LTBP1: variants seen among roughly 807,000 people sequenced by gnomAD.
LTBP1 encodes latent-transforming growth factor beta-binding protein 1.
In LTBP1, 129 loss-of-function variants were observed where a neutral mutation model predicts 207.6. The ratio of observed to expected loss-of-function variants is 0.62; its 90% CI spans 0.54 to 0.72. LTBP1 has a LOEUF of 0.72. LTBP1 is among the 30% of genes least tolerant of loss of function. The pLI, the probability that LTBP1 is intolerant of heterozygous loss-of-function variation, is 0.00. For synonymous variants in LTBP1, 963 were observed against 833.7 expected, an observed-to-expected ratio of 1.16 and a Z score of -2.67; for missense variants, 2,281 against 2,217.2, an observed-to-expected ratio of 1.03 and a Z score of -0.58.
At chr2:33,016,503 A>G (rs931866295) in intron 2 of LTBP1, among the ~76,000 whole-genome samples, 3 of 152,174 alleles carry the variant, frequency 2.0e-5, no homozygotes, top group Admixed American at 2.0e-4. Context: ...CCCCCGCTAG[A>G]GATTCTGATT....
At chr2:33,131,682 T>A (rs57553745) in intron 4 of LTBP1, among the ~76,000 whole-genome samples, 3,550 of 152,336 alleles carry the variant, frequency 0.023, 131 homozygotes, top group African/African-American at 0.081. Flanking sequence ...TTAGATTACT[T>A]TATAGCAGAA....
intron 5 of LTBP1, among the ~76,000 whole-genome samples, chr2:33,144,167 G>A (rs2082841030): frequency 6.6e-6 from 1 of 152,014 alleles, no homozygotes; most frequent in Admixed American, 6.6e-5. Flanking sequence ...GTGCACCCCA[G>A]AGACAGTGGT....
intron 5 of LTBP1, among the ~76,000 whole-genome samples, chr2:33,157,335 G>A (rs909758306): frequency 1.3e-5 from 2 of 152,214 alleles, no homozygotes; most frequent in African/African-American, 4.8e-5. Context: ...CTCATTTACT[G>A]TCATTGGCAT....
rs1476307251 is a variant in LTBP1 at position 33,042,030 on chromosome 2, G to C, written c.863+20824G>C. On this transcript the variant is annotated intron_variant, in intron 3 of 33. Transcript: ENST00000404816. ...ACTTAGTATTGTCAGTTTTTTCTTT[G>C]TGCCATTCTAATAGGTGTATAGTCG... Among the ~76,000 whole-genome samples, 6 of 151,986 alleles carry C rather than the reference G, an allele frequency of 3.9e-5. No homozygotes were observed. In the East Asian group the frequency reaches 1.2e-3, roughly 29 times the overall value.
At chr2:33,086,650 C>T (rs2078769688) in intron 3 of LTBP1, among the ~76,000 whole-genome samples, 1 of 152,162 alleles carries the variant, frequency 6.6e-6, no homozygotes, top group Non-Finnish European at 1.5e-5. Flanking sequence ...CAGCACCGCA[C>T]GGTAGGCTTT....
intron 26 of LTBP1, among the ~76,000 whole-genome samples, chr2:33,359,562 T>C (rs570465724): frequency 6.6e-6 from 1 of 152,314 alleles, no homozygotes; most frequent in East Asian, 1.9e-4. Flanking sequence ...AGAGTTTGAG[T>C]CCCAAGAATC....
intron 2 of LTBP1, among the ~76,000 whole-genome samples, chr2:33,005,510 T>A (rs1212669886): frequency 1.3e-5 from 2 of 151,958 alleles, no homozygotes; most frequent in Admixed American, 1.3e-4. Flanking sequence ...GGCTCTCAGG[T>A]CTTAGTATGG....
intron 3 of LTBP1, among the ~76,000 whole-genome samples, chr2:33,028,603 A>C (rs942308481): frequency 6.6e-6 from 1 of 152,116 alleles, no homozygotes; most frequent in Non-Finnish European, 1.5e-5. Flanking sequence ...GAATTAGCAA[A>C]ACTTTACTTA....
At chr2:33,342,220 G>A (rs573942487) in intron 24 of LTBP1, among the ~76,000 whole-genome samples, 54 of 152,310 alleles carry the variant, frequency 3.5e-4, no homozygotes, top group African/African-American at 1.3e-3. Flanking sequence ...AAATGAATTG[G>A]CAAGTCAGCC....
intron 6 of LTBP1, 57 bp downstream of exon 6, chr2:33,187,137 A>G (rs923766139): frequency 1.3e-6 from 2 of 1,485,802 alleles, no homozygotes; most frequent in South Asian, 1.2e-5. Context: ...CCAAACCCAC[A>G]TAGAAGTCAA....
chr2:33,046,408 G>A (rs1378673969), intron 3 of LTBP1, among the ~76,000 whole-genome samples: 1 of 152,138 alleles, frequency 6.6e-6, no homozygotes, highest in Admixed American at 6.5e-5. Context: ...TTATGTGATG[G>A]ATTACGTTTA....
chr2:33,386,315 C>T (rs566155988), intron 31 of LTBP1, among the ~76,000 whole-genome samples: 32 of 152,284 alleles, frequency 2.1e-4, no homozygotes, highest in African/African-American at 7.5e-4. Context: ...TTTCCTCTGG[C>T]GTTGCTGTAG....
chr2:33,203,398 T>C (rs1344241558), intron 7 of LTBP1, among the ~76,000 whole-genome samples: 3 of 152,206 alleles, frequency 2.0e-5, no homozygotes, highest in Admixed American at 1.3e-4. Context: ...GGATTGAGAA[T>C]GTAGGGCTGG....
chr2:33,307,319 A>G (rs953339279), intron 22 of LTBP1, among the ~76,000 whole-genome samples: 1 of 152,206 alleles, frequency 6.6e-6, no homozygotes, highest in Non-Finnish European at 1.5e-5. Flanking sequence ...TGTTCACACA[A>G]AGACTTATGA....
intron 3 of LTBP1, among the ~76,000 whole-genome samples, chr2:33,057,518 C>T (rs376999279): frequency 7.9e-5 from 12 of 152,314 alleles, no homozygotes; most frequent in South Asian, 2.1e-4. Flanking sequence ...CAGGAGCCCA[C>T]GGTGGGGTGG....
At chr2:33,293,486 G>A (rs901928251) in intron 20 of LTBP1, among the ~76,000 whole-genome samples, 4 of 152,158 alleles carry the variant, frequency 2.6e-5, no homozygotes, top group African/African-American at 9.7e-5. Flanking sequence ...GGGAAACGAT[G>A]TATTTTTAGA....
intron 9 of LTBP1, among the ~76,000 whole-genome samples, chr2:33,227,233 G>A (rs1351662617): frequency 6.6e-6 from 1 of 151,970 alleles, no homozygotes; most frequent in Non-Finnish European, 1.5e-5. Context: ...CACCATGTTG[G>A]CCAGGCTGGT....
At chr2:33,051,400 G>C (rs2076733129) in intron 3 of LTBP1, among the ~76,000 whole-genome samples, 4 of 152,048 alleles carry the variant, frequency 2.6e-5, no homozygotes, top group African/African-American at 9.7e-5. Flanking sequence ...CTGGGTTTCA[G>C]AGCAAGATCG....
At chr2:33,180,686 C>A (rs913782919) in intron 5 of LTBP1, among the ~76,000 whole-genome samples, 1 of 152,020 alleles carries the variant, frequency 6.6e-6, no homozygotes, top group African/African-American at 2.4e-5. Context: ...GAACTCCTGG[C>A]CTTAAGTGAT....
Sources: gnomAD v4.1 joint callset for allele counts (sites outside exome capture counted in the v4.1 genomes callset) on GRCh38, gnomAD v4.1.1 for gene constraint, MANE v1.5 for transcripts, NCBI Gene and HGNC (gene_info 2026-07-23, HGNC 2026-07-21) for gene names.